The following PTPRD variants were observed in gnomAD, a reference collection of about 807,000 sequenced individuals.
PTPRD encodes the protein protein tyrosine phosphatase receptor type D, also known as receptor-type tyrosine-protein phosphatase delta.
Under a neutral mutation model 214.5 loss-of-function variants are expected in PTPRD, and 34 were observed. The ratio of observed to expected loss-of-function variants is 0.16; its 90% CI spans 0.12 to 0.21. PTPRD has a LOEUF of 0.21. Among genes scored for constraint, PTPRD ranks in the 10% least tolerant of loss-of-function variants. PTPRD has a pLI of 1.00. For synonymous variants in PTPRD, 1,128 were observed against 845.7 expected, an observed-to-expected ratio of 1.33 and a Z score of -5.79; for missense variants, 2,545 against 2,398.7, an observed-to-expected ratio of 1.06 and a Z score of -1.27.
intron 12 of PTPRD, among the ~76,000 whole-genome samples, chr9:8,712,497 G>C (rs1189712637): frequency 2.0e-5 from 3 of 151,380 alleles, no homozygotes; most frequent in Admixed American, 2.0e-4. Flanking sequence ...AGCATGTAAA[G>C]GCTTCTTCAA....
At chr9:8,324,008 G>A (rs185379621) in intron 44 of PTPRD, among the ~76,000 whole-genome samples, 104 of 151,692 alleles carry the variant, frequency 6.9e-4, no homozygotes, top group African/African-American at 2.2e-3. Context: ...AGAAACCACC[G>A]CCCATCGATT....
chr9:10,339,079 T>A lies in PTPRD; in HGVS notation c.-545+1884A>T, dbSNP rs139390191. On this transcript the variant is annotated intron_variant, in intron 3 of 45. Transcript: ENST00000381196. ...AAGCAGCAGAGTATCCAGGTGGTAT[T>A]GTTTAGCTTTATTAGTGGATACATG... Among the ~76,000 whole-genome samples the A allele has an allele frequency of 5.0e-4, 76 of 151,816 alleles. 2 individuals are homozygous for A. In the East Asian group the frequency reaches 0.015, roughly 29 times the overall value.
intron 14 of PTPRD, among the ~76,000 whole-genome samples, chr9:8,555,824 A>G (rs2083559173): frequency 6.6e-6 from 1 of 152,078 alleles, no homozygotes; most frequent in Non-Finnish European, 1.5e-5. Flanking sequence ...ATGGACTGAA[A>G]GTGGGCAACA....
Position 10,033,255 on chromosome 9 carries a change from G to C in PTPRD, c.-472+463C>G, listed in dbSNP as rs542599102. On this transcript the variant is annotated intron_variant, in intron 4 of 45. Transcript: ENST00000381196. ...ATACTAATGCTATATACTGGTAAGA[G>C]AGAAACAATGCATTGAAACATAATA... Among the ~76,000 whole-genome samples, 101 of 151,898 alleles carry C rather than the reference G, an allele frequency of 6.6e-4. 1 individual carries two copies. The South Asian group carries it at 0.021, about 31-fold the overall frequency.
At chr9:8,688,495 GC>G (rs2097734266) in intron 12 of PTPRD, among the ~76,000 whole-genome samples, 1 of 151,222 alleles carries the variant, frequency 6.6e-6, no homozygotes, top group African/African-American at 2.4e-5. Flanking sequence ...AACCCAGGAG[GC>G]AGAGCTTGCA....
rs556333089 is a variant in PTPRD at position 8,679,924 on chromosome 9, A to G, written c.65-43080T>C. Among the ~76,000 whole-genome samples, 29 of 152,344 alleles carry G rather than the reference A, an allele frequency of 1.9e-4. No homozygotes were observed. The South Asian group carries it at 5.8e-3, about 30-fold the overall frequency. ...TACTAATTCTAATTACCAATATCTT[A>G]TATTTCACACTGCATGTCTACTAGA... On this transcript the variant is annotated intron_variant, in intron 12 of 45. Coordinates refer to ENST00000381196, the MANE Select transcript of PTPRD (RefSeq NM_002839.4).
chr9:9,368,664 G>A (rs990432797), intron 9 of PTPRD, among the ~76,000 whole-genome samples: 19 of 151,818 alleles, frequency 1.3e-4, no homozygotes, highest in African/African-American at 4.6e-4. Flanking sequence ...TCAGTTAAAG[G>A]TAATGACACT....
At chr9:8,674,456 CAAAAAAAAAA>C (rs57588808) in intron 12 of PTPRD, among the ~76,000 whole-genome samples, 1 of 62,332 alleles carries the variant, frequency 1.6e-5, no homozygotes, top group Non-Finnish European at 2.8e-5. Flanking sequence ...GACGCTGTCT[CAAAAAAAAAA>C]AAAAAAAAAA....
At chr9:8,743,808 AT>A (rs200675395) in intron 11 of PTPRD, among the ~76,000 whole-genome samples, 11,122 of 149,722 alleles carry the variant, frequency 0.074, 1,114 homozygotes, top group African/African-American at 0.23. Flanking sequence ...AATAATAATA[AT>A]AATAATAATA....
intron 11 of PTPRD, among the ~76,000 whole-genome samples, chr9:8,950,706 C>CT (rs61227582): frequency 0.15 from 21,436 of 143,626 alleles, 1,641 homozygotes; most frequent in South Asian, 0.2. Flanking sequence ...TTATGTTTTT[C>CT]TTTTTTTTTT....
At chr9:9,414,923 G>A (rs1556526) in intron 8 of PTPRD, 1 of 152,254 alleles carries the variant, frequency 6.6e-6, no homozygotes, top group African/African-American at 2.4e-5. Flanking sequence ...GGCATATGAC[G>A]TATGTGATCA....
intron 3 of PTPRD, among the ~76,000 whole-genome samples, chr9:10,304,778 A>G (rs2096001274): frequency 6.6e-6 from 1 of 152,238 alleles, no homozygotes; most frequent in Admixed American, 6.5e-5. Flanking sequence ...CAATTGGAAA[A>G]ACATTCCATT....
chr9:8,839,774 G>C (rs1050332298), intron 11 of PTPRD, among the ~76,000 whole-genome samples: 3 of 149,470 alleles, frequency 2.0e-5, no homozygotes, highest in Non-Finnish European at 4.4e-5. Flanking sequence ...AACAGTGGGA[G>C]AAATGGGAAG....
intron 9 of PTPRD, among the ~76,000 whole-genome samples, chr9:9,242,120 A>T (rs1194786869): frequency 6.6e-6 from 1 of 152,054 alleles, no homozygotes; most frequent in African/African-American, 2.4e-5. Flanking sequence ...GTTTGGCTGG[A>T]TATGAAATTC....
intron 10 of PTPRD, among the ~76,000 whole-genome samples, chr9:9,043,818 C>T (rs760356950): frequency 1.7e-4 from 26 of 151,648 alleles, no homozygotes; most frequent in Non-Finnish European, 3.2e-4. Context: ...GCAGGAGAAT[C>T]GCTTGAACTT....
intron 2 of PTPRD, among the ~76,000 whole-genome samples, chr9:10,489,372 T>C (rs1427988709): frequency 6.6e-6 from 1 of 152,054 alleles, no homozygotes; most frequent in South Asian, 2.1e-4. Flanking sequence ...TCTATTCTCC[T>C]CCAGTGGAGA....
At chr9:9,720,775 A>G (rs2097921391) in intron 7 of PTPRD, among the ~76,000 whole-genome samples, 1 of 151,878 alleles carries the variant, frequency 6.6e-6, no homozygotes, top group Admixed American at 6.6e-5. Flanking sequence ...GGATAAATAA[A>G]ATGCGATATA....
Position 8,733,883 on chromosome 9 carries a change from C to A in PTPRD, c.-40G>T. The A allele has an allele frequency of 6.5e-7, 1 of 1,545,312 alleles. No homozygotes were observed. Among genetic ancestry groups the A allele is most frequent in the South Asian group, 1.2e-5 (1 of 83,902 alleles). On this transcript the variant is annotated 5_prime_UTR_variant, in exon 12 of 46. Transcript: ENST00000381196. ...GCAGCGTGCGCGAGCAGCTTGGAAT[C>A]ACTGCCTCCGGAGCCGCAGCGAGTC... is the stretch of plus-strand genomic sequence containing the variant.
chr9:8,331,593 T>G lies in PTPRD; in HGVS notation c.5523A>C (p.Ser1841=), dbSNP rs1841224201. Residue 1841 remains serine (S), a synonymous_variant, in exon 44 of 46, where the codon TCA becomes TCC. Coordinates refer to ENST00000381196, the MANE Select transcript of PTPRD (RefSeq NM_002839.4). The part of the protein sequence containing the change: ...KEQFGQDGPI[S]VHCSAGVGRT... ...AAATGGAAACTTACCTGCAATGGACTGAAATGGGTCCATCTTGGCCAAACT... is the reference window on the plus strand; with the variant it reads ...AAATGGAAACTTACCTGCAATGGACGGAAATGGGTCCATCTTGGCCAAACT... The G allele has an allele frequency of 6.2e-7, 1 of 1,609,442 alleles. No individual in the cohort carries two copies. Among genetic ancestry groups the G allele is most frequent in the South Asian group, 1.1e-5 (1 of 91,060 alleles).
Sources: allele counts gnomAD v4.1 joint callset (sites outside exome capture counted in the v4.1 genomes callset), GRCh38; gene constraint gnomAD v4.1.1; transcripts MANE v1.5; gene names NCBI Gene and HGNC (gene_info 2026-07-23, HGNC 2026-07-21).